NBAS: variants seen among roughly 807,000 people sequenced by gnomAD.
The protein encoded by NBAS is NBAS subunit of NRZ tethering complex.
Under a neutral mutation model 302.5 loss-of-function variants are expected in NBAS, and 219 were observed. The observed-to-expected ratio is 0.72, with a 90% CI of 0.65 to 0.81. NBAS has a LOEUF of 0.81. Ranked by LOEUF, NBAS falls within the 30% of genes least tolerant of loss-of-function variation. The pLI, the probability that NBAS is intolerant of heterozygous loss-of-function variation, is 0.00. For synonymous variants in NBAS, 1,118 were observed against 1,021.6 expected (o/e 1.09, Z -1.80); for missense variants, 2,932 against 2,841.6 (o/e 1.03, Z -0.72).
intron 11 of NBAS, among the ~76,000 whole-genome samples, chr2:15,495,737 A>G (rs1681041555): frequency 1.3e-5 from 2 of 152,152 alleles, no homozygotes. Flanking sequence ...TCAACTTCAA[A>G]CAAGAACCAC....
the NBAS span, among the ~76,000 whole-genome samples, chr2:14,795,272 G>A: frequency 2.6e-5 from 4 of 152,068 alleles, no homozygotes; most frequent in African/African-American, 7.2e-5. Flanking sequence ...ACCTAGTATC[G>A]TCAGTCTTTT....
At chr2:14,960,474 A>G in the NBAS span, among the ~76,000 whole-genome samples, 1 of 152,180 alleles carries the variant, frequency 6.6e-6, no homozygotes, top group African/African-American at 2.4e-5. Flanking sequence ...CTGTGCATTA[A>G]GTCTTCTAAT....
At chr2:15,552,190 G>C (rs1167673117) in intron 5 of NBAS, among the ~76,000 whole-genome samples, 1 of 151,946 alleles carries the variant, frequency 6.6e-6, no homozygotes, top group Non-Finnish European at 1.5e-5. Flanking sequence ...GTTATCCCCA[G>C]GAAATAATTA....
the NBAS span, among the ~76,000 whole-genome samples, chr2:14,922,827 G>T: frequency 1.1e-3 from 171 of 152,236 alleles, 1 homozygote; most frequent in African/African-American, 4.0e-3. Flanking sequence ...CAAGTTGGCC[G>T]CCATTTTACT....
chr2:14,950,333 G>A, the NBAS span, among the ~76,000 whole-genome samples: 1 of 152,164 alleles, frequency 6.6e-6, no homozygotes, highest in Non-Finnish European at 1.5e-5. Context: ...GTCATTGCAA[G>A]TGCTGTTAAT....
chr2:15,560,904 G>C (rs570465628), intron 1 of NBAS, among the ~76,000 whole-genome samples: 48 of 152,182 alleles, frequency 3.2e-4, no homozygotes, highest in Non-Finnish European at 6.0e-4. Flanking sequence ...CCAATACAGA[G>C]AGCGAAACTG....
At chr2:15,504,020 T>A in intron 11 of NBAS, 125 bp downstream of exon 11, 2 of 756,850 alleles carry the variant, frequency 2.6e-6, no homozygotes, top group South Asian at 2.8e-5. Context: ...TATAGCCACA[T>A]AGTGTATATG....
chr2:15,419,356 T>TGC (rs1345190228), intron 23 of NBAS, among the ~76,000 whole-genome samples: 1 of 123,222 alleles, frequency 8.1e-6, no homozygotes, highest in Non-Finnish European at 1.8e-5. Context: ...TGTGTGTGTG[T>TGC]GTGTAGAAGA....
At chr2:14,875,148 TAAAAC>T in the NBAS span, among the ~76,000 whole-genome samples, 1 of 151,888 alleles carries the variant, frequency 6.6e-6, no homozygotes, top group Non-Finnish European at 1.5e-5. Flanking sequence ...GAAAAAGAAA[TAAAAC>T]ATAAACAGAT....
At chr2:15,351,720 A>AG (rs1673365034) in intron 35 of NBAS, among the ~76,000 whole-genome samples, 1 of 152,052 alleles carries the variant, frequency 6.6e-6, no homozygotes, top group African/African-American at 2.4e-5. Flanking sequence ...GGGATTTGGA[A>AG]GGTGGTTAGG....
At chr2:15,293,581 G>A (rs1337823689) in intron 40 of NBAS, among the ~76,000 whole-genome samples, 1 of 151,732 alleles carries the variant, frequency 6.6e-6, no homozygotes, top group Non-Finnish European at 1.5e-5. Context: ...TTTAATACTT[G>A]AACAGCATTA....
At chr2:15,435,247 C>T (rs1488390964) in intron 21 of NBAS, among the ~76,000 whole-genome samples, 1 of 151,996 alleles carries the variant, frequency 6.6e-6, no homozygotes, top group African/African-American at 2.4e-5. Context: ...TTCATCTTAC[C>T]AAAAAAGCAC....
chr2:15,349,943 T>C (rs1243262460), intron 35 of NBAS, among the ~76,000 whole-genome samples: 2 of 152,170 alleles, frequency 1.3e-5, no homozygotes, highest in African/African-American at 4.8e-5. Flanking sequence ...AAAGTTCTAT[T>C]GGCAGTGCTG....
chr2:15,278,834 T>C (rs1317603847), intron 42 of NBAS, among the ~76,000 whole-genome samples: 2 of 152,134 alleles, frequency 1.3e-5, no homozygotes, highest in African/African-American at 4.8e-5. Flanking sequence ...TCAATGATAA[T>C]GGAAGGCTTA....
chr2:15,081,977 T>G, the NBAS span, among the ~76,000 whole-genome samples: 1 of 152,340 alleles, frequency 6.6e-6, no homozygotes, highest in East Asian at 1.9e-4. Flanking sequence ...TGGCCTCAGT[T>G]TCCACATCTG....
chr2:15,124,880 G>A, the NBAS span, among the ~76,000 whole-genome samples: 20,705 of 152,122 alleles, frequency 0.14, 2,652 homozygotes, highest in African/African-American at 0.32. Context: ...CAAGGTAGAA[G>A]CCTGATGCAG....
the NBAS span, among the ~76,000 whole-genome samples, chr2:14,977,152 C>A: frequency 6.6e-6 from 1 of 151,830 alleles, no homozygotes; most frequent in South Asian, 2.1e-4. Flanking sequence ...TTAGCCATAG[C>A]CAGTATAAAA....
chr2:15,330,018 T>G (rs928454275), intron 36 of NBAS, among the ~76,000 whole-genome samples: 6 of 152,186 alleles, frequency 3.9e-5, no homozygotes, highest in African/African-American at 1.4e-4. Context: ...ATTAGGACAT[T>G]TGACAGGAAA....
the NBAS span, among the ~76,000 whole-genome samples, chr2:14,895,387 A>G: frequency 6.6e-6 from 1 of 152,260 alleles, no homozygotes; most frequent in East Asian, 1.9e-4. Context: ...TTTATGATTA[A>G]GACCTCAAAA....
Sources: allele counts gnomAD v4.1 joint callset (sites outside exome capture counted in the v4.1 genomes callset), GRCh38; gene constraint gnomAD v4.1.1; transcripts MANE v1.5; gene names NCBI Gene and HGNC (gene_info 2026-07-23, HGNC 2026-07-21).